SMC3: variants seen among roughly 807,000 people sequenced by gnomAD.
SMC3 encodes structural maintenance of chromosomes protein 3.
SMC3 carries 20 observed loss-of-function variants against 171.8 expected under a neutral mutation model. That is an observed-to-expected ratio of 0.12 (90% CI 0.08 to 0.17). The LOEUF (loss-of-function observed/expected upper bound fraction) is 0.17. Among genes scored for constraint, SMC3 ranks in the 10% least tolerant of loss-of-function variants. The pLI, the probability that SMC3 is intolerant of heterozygous loss-of-function variation, is 1.00. For synonymous variants in SMC3, 464 were observed against 451.1 expected, an observed-to-expected ratio of 1.03 and a Z score of -0.36; for missense variants, 543 against 1,420.4, an observed-to-expected ratio of 0.38 and a Z score of 9.93.
In SMC3 at chr10:110,605,549, G is replaced by T. The variant is rs1176622979; in HGVS notation, c.*1247G>T. On this transcript the variant is annotated 3_prime_UTR_variant, in exon 29 of 29. Coordinates refer to ENST00000361804, the MANE Select transcript of SMC3 (RefSeq NM_005445.4). The stretch of plus-strand genomic sequence containing the variant: ...GAGATACTTTTAAAATAAAGAAATA[G>T]TAATGGGACTTTAAATTGAATTTAA... 1.3e-5 allele frequency among the ~76,000 whole-genome samples: 2 copies of T among 152,160 alleles called. No homozygotes were observed. Among genetic ancestry groups the T allele is most frequent in the Non-Finnish European group, 2.9e-5 (2 of 68,022 alleles).
intron 6 of SMC3, 79 bp from the exon 7 acceptor site, chr10:110,578,549 A>G (rs955684370): frequency 2.1e-5 from 21 of 999,836 alleles, no homozygotes; most frequent in Admixed American, 1.8e-4. Flanking sequence ...AATGCTATCA[A>G]CCAAGGGGCT....
Position 110,600,557 on chromosome 10 carries a change from GTTTTT to G in SMC3, c.2535+24_2535+28del, listed in dbSNP as rs397847637. ...GACCAAGTAGAACAGGTGTGTATGTGTTTTTTTTTTTTTTTTTAAGGGCTCCTTGG... is the reference window on the plus strand; with the variant it reads ...GACCAAGTAGAACAGGTGTGTATGTGTTTTTTTTTTTTAAGGGCTCCTTGG... On this transcript the variant is annotated intron_variant, in intron 22 of 28. Coordinates refer to ENST00000361804, the MANE Select transcript of SMC3 (RefSeq NM_005445.4). 17 of 977,178 alleles carry G rather than the reference GTTTTT, an allele frequency of 1.7e-5. No individual in the cohort carries two copies. The highest frequency in any genetic ancestry group is 1.9e-5 in the Admixed American group (1 of 51,792). The allele number at this position is 977,178 out of a possible 1,614,324, so 60.5% of individuals were successfully genotyped here.
At chr10:110,571,446 A>G (rs952212800) in intron 2 of SMC3, among the ~76,000 whole-genome samples, 5 of 152,348 alleles carry the variant, frequency 3.3e-5, no homozygotes, top group African/African-American at 7.2e-5. Flanking sequence ...GATTCTGACA[A>G]GGATTTGTTT....
chr10:110,567,808 C>A lies in SMC3; in HGVS notation c.-9C>A. On this transcript the variant is annotated 5_prime_UTR_variant, in exon 1 of 29. Coordinates refer to ENST00000361804, the MANE Select transcript of SMC3 (RefSeq NM_005445.4). Reference sequence around the variant, plus strand: ...GGCAGGTCTCCTTCCAGGCCAGGGGCCCGGAATCATGTACATAAAGCAGGT... The same window carrying A: ...GGCAGGTCTCCTTCCAGGCCAGGGGACCGGAATCATGTACATAAAGCAGGT... The A allele has an allele frequency of 6.2e-7, 1 of 1,613,506 alleles. No individual in the cohort carries two copies. The highest frequency in any genetic ancestry group is 1.1e-5 in the South Asian group (1 of 91,082).
chr10:110,586,408 G>C (rs1157770999), intron 13 of SMC3, among the ~76,000 whole-genome samples: 1 of 152,162 alleles, frequency 6.6e-6, no homozygotes, highest in Non-Finnish European at 1.5e-5. Flanking sequence ...TATATGGTTA[G>C]TATAGTCTGA....
chr10:110,599,593 A>C, intron 20 of SMC3, 61 bp from the exon 21 acceptor site: 1 of 1,479,912 alleles, frequency 6.8e-7, no homozygotes, highest in Non-Finnish European at 9.2e-7. Context: ...TTGTTTTAAA[A>C]TTTTCACTAT....
At chr10:110,600,978 G>A (rs1861377704) in intron 22 of SMC3, 44 bp from the exon 23 acceptor site, 10 of 1,404,910 alleles carry the variant, frequency 7.1e-6, no homozygotes, top group African/African-American at 4.2e-5. Flanking sequence ...AATGTTGGCA[G>A]TCATAACATT....
At chr10:110,571,044 AT>A (rs758503036) in intron 2 of SMC3, among the ~76,000 whole-genome samples, 26 of 152,240 alleles carry the variant, frequency 1.7e-4, no homozygotes, top group African/African-American at 3.1e-4. Flanking sequence ...GTTTTTAGGG[AT>A]TTTTTTCCCC....
chr10:110,598,431 G>A, intron 20 of SMC3, 141 bp downstream of exon 20: 5 of 808,242 alleles, frequency 6.2e-6, no homozygotes, highest in Non-Finnish European at 1.0e-5. Flanking sequence ...TGAAGACAGA[G>A]TCTCTTTCTG....
intron 4 of SMC3, among the ~76,000 whole-genome samples, chr10:110,575,990 A>G (rs185439443): frequency 1.3e-5 from 2 of 152,340 alleles, no homozygotes; most frequent in South Asian, 2.1e-4. Flanking sequence ...CCATATTTGT[A>G]CTTAGATAGT....
chr10:110,592,617 A>T, intron 17 of SMC3, among the ~76,000 whole-genome samples: 1 of 152,182 alleles, frequency 6.6e-6, no homozygotes, highest in Admixed American at 6.5e-5. Context: ...CATTTTGAGG[A>T]AGTACTATTT....
chr10:110,571,290 G>A (rs1046109891), intron 2 of SMC3, among the ~76,000 whole-genome samples: 4 of 152,304 alleles, frequency 2.6e-5, no homozygotes, highest in African/African-American at 9.6e-5. Flanking sequence ...TTGATGGGAG[G>A]TGCAGTTTGA....
intron 8 of SMC3, among the ~76,000 whole-genome samples, chr10:110,581,284 C>G (rs548191107): frequency 1.1e-4 from 16 of 143,268 alleles, no homozygotes; most frequent in Non-Finnish European, 9.0e-5. Context: ...GTGGCGCGAT[C>G]TCTGCTTATT....
rs1421615645 is a variant in SMC3 at position 110,599,704 on chromosome 10, C to G, written c.2319C>G (p.Thr773=). 6.2e-7 allele frequency: 1 copy of G among 1,614,016 alleles called. No individual in the cohort carries two copies. ...CAAGCTTGCATGCTATGGAGTCTAC[C>G]AGAGAGTCATTGAAAGCAGAACTGG... ...LEASLHAMES[T]RESLKAELGT... The change falls in exon 21 of 29, where the codon ACC becomes ACG. Residue 773 remains threonine (T), a synonymous_variant. Transcript: ENST00000361804.
intron 20 of SMC3, among the ~76,000 whole-genome samples, chr10:110,599,311 C>T (rs1024253306): frequency 1.3e-5 from 2 of 151,994 alleles, no homozygotes; most frequent in Non-Finnish European, 2.9e-5. Context: ...TGGCCAGGCT[C>T]GTCTCGAACT....
In SMC3 at chr10:110,596,395, T is replaced by C; in HGVS notation, c.1964-3T>C. On this transcript the variant is annotated splice_polypyrimidine_tract_variant and splice_region_variant and intron_variant, in intron 18 of 28. Transcript: ENST00000361804. ...AGACCTATTACATATGTTTTGTTTATAGGTGACCAAGTCAGCCATCGGGGT... is the reference window on the plus strand; with the variant it reads ...AGACCTATTACATATGTTTTGTTTACAGGTGACCAAGTCAGCCATCGGGGT... The C allele has an allele frequency of 1.2e-6, 2 of 1,613,752 alleles. No individual in the cohort carries two copies. The highest frequency in any genetic ancestry group is 1.7e-6 in the Non-Finnish European group (2 of 1,179,878).
intron 17 of SMC3, among the ~76,000 whole-genome samples, chr10:110,592,666 T>G (rs1861227010): frequency 6.6e-6 from 1 of 152,182 alleles, no homozygotes; most frequent in Non-Finnish European, 1.5e-5. Context: ...TATCGTAAGT[T>G]TTGCATATAT....
intron 13 of SMC3, 51 bp downstream of exon 13, chr10:110,584,447 TGTTTA>T (rs1429548414): frequency 3.7e-6 from 5 of 1,336,382 alleles, no homozygotes; most frequent in Non-Finnish European, 5.3e-6. Flanking sequence ...GAGATAAATG[TGTTTA>T]GTTTTATCTA....
intron 17 of SMC3, among the ~76,000 whole-genome samples, chr10:110,592,513 C>G (rs1013331372): frequency 1.3e-5 from 2 of 151,830 alleles, no homozygotes; most frequent in Non-Finnish European, 2.9e-5. Flanking sequence ...TTTTAAAAAC[C>G]CTGTTCTAAC....
Sources: allele counts gnomAD v4.1 joint callset (sites outside exome capture counted in the v4.1 genomes callset), GRCh38; gene constraint gnomAD v4.1.1; transcripts MANE v1.5; gene names NCBI Gene and HGNC (gene_info 2026-07-23, HGNC 2026-07-21).